Variants in IQSEC1 observed in about 807,000 individuals in gnomAD.
IQSEC1 encodes IQ motif and Sec7 domain ArfGEF 1.
A neutral mutation model predicts 91.0 loss-of-function variants in IQSEC1; 31 were observed. The ratio of observed to expected loss-of-function variants is 0.34; its 90% CI spans 0.26 to 0.46. IQSEC1 has a LOEUF of 0.46. Ranked by LOEUF, IQSEC1 falls within the 20% of genes least tolerant of loss-of-function variation. IQSEC1 has a pLI of 1.00. For missense variants in IQSEC1, 1,388 were observed against 1,575.6 expected (o/e 0.88, Z 2.02); for synonymous variants, 699 against 662.6 (o/e 1.05, Z -0.84).
At chr3:13,278,902 G>A (rs769460229) in intron 1 of IQSEC1, among the ~76,000 whole-genome samples, 5 of 152,150 alleles carry the variant, frequency 3.3e-5, no homozygotes, top group Non-Finnish European at 7.3e-5. Flanking sequence ...GCTCCACCCC[G>A]TAGCCAGATG....
At chr3:13,056,918 T>C (rs890756882) in intron 1 of IQSEC1, among the ~76,000 whole-genome samples, 1 of 152,140 alleles carries the variant, frequency 6.6e-6, no homozygotes, top group Non-Finnish European at 1.5e-5. Flanking sequence ...ATGTTCCATA[T>C]CCACCAGGCT....
At chr3:13,073,633 A>T (rs1319183232), upstream of IQSEC1, among the ~76,000 whole-genome samples, 1 of 152,220 alleles carries the variant, frequency 6.6e-6, no homozygotes, top group African/African-American at 2.4e-5. Context: ...CGCGCTGGAA[A>T]CCTGGAAGTC....
intron 1 of IQSEC1, among the ~76,000 whole-genome samples, chr3:13,014,404 T>C (rs1019117793): frequency 1.3e-5 from 2 of 152,208 alleles, no homozygotes; most frequent in African/African-American, 4.8e-5. Flanking sequence ...GTCACATGGC[T>C]GGGGCACACT....
intron 1 of IQSEC1, among the ~76,000 whole-genome samples, chr3:12,971,930 G>C (rs1700919358): frequency 6.6e-6 from 1 of 152,010 alleles, no homozygotes; most frequent in African/African-American, 2.4e-5. Flanking sequence ...GCTGAGGCAG[G>C]AGAATCACTT....
chr3:12,937,638 G>A (rs1050696764), intron 2 of IQSEC1, among the ~76,000 whole-genome samples: 11 of 152,240 alleles, frequency 7.2e-5, no homozygotes, highest in Non-Finnish European at 1.3e-4. Flanking sequence ...ATGGGGTAGT[G>A]CTGGGACCTG....
intron 1 of IQSEC1, among the ~76,000 whole-genome samples, chr3:12,981,429 C>T (rs986328438): frequency 6.6e-6 from 1 of 152,098 alleles, no homozygotes; most frequent in African/African-American, 2.4e-5. Flanking sequence ...GAATCGGACA[C>T]AAGAAACTAA....
chr3:13,278,255 C>G (rs112791557), intron 1 of IQSEC1, among the ~76,000 whole-genome samples: 72 of 152,196 alleles, frequency 4.7e-4, no homozygotes, highest in East Asian at 1.4e-3. Flanking sequence ...GCTTCCCCCC[C>G]CCACCCCCAG....
intron 2 of IQSEC1, among the ~76,000 whole-genome samples, chr3:13,121,715 G>C (rs1439412253): frequency 6.6e-6 from 1 of 152,240 alleles, no homozygotes; most frequent in African/African-American, 2.4e-5. Flanking sequence ...AAAGAGAGCA[G>C]AGAGAATGGG....
chr3:13,209,828 G>C (rs775964644), intron 1 of IQSEC1, among the ~76,000 whole-genome samples: 16 of 152,188 alleles, frequency 1.1e-4, no homozygotes, highest in Non-Finnish European at 2.2e-4. Flanking sequence ...GAATTCTTTT[G>C]CACTTTCCAA....
chr3:13,252,730 T>TTTTTTTTTTTTTTGTTTTTTTTTTTG (rs60219953), intron 1 of IQSEC1, among the ~76,000 whole-genome samples: 1 of 150,844 alleles, frequency 6.6e-6, no homozygotes, highest in African/African-American at 2.5e-5. Flanking sequence ...TTTTTTTTGT[T>TTTTTTTTTTTTTTGTTTTTTTTTTTG]TTTGTTTGTT....
intron 1 of IQSEC1, among the ~76,000 whole-genome samples, chr3:13,227,375 CAAAAAAAAA>C (rs753199634): frequency 5.7e-5 from 4 of 70,070 alleles, no homozygotes; most frequent in African/African-American, 2.6e-4. Context: ...GACTCTGTCT[CAAAAAAAAA>C]AAAAAAAAAA....
In IQSEC1 at chr3:12,941,861, C is replaced by T. The variant is rs766330520; in HGVS notation, c.28G>A (p.Glu10Lys). ...GTCTCACTGCTGGGGGCCTCGCCCT[C>T]GACGCTGCAGAGGAGAGAGAGGTGA... The part of the protein sequence containing the change: MACRRRYFV[E>K]GEAPSSETGT... Residue 10 changes from glutamate to lysine, a missense_variant, in exon 2 of 14, where the codon GAG becomes AAG. By Grantham distance (56) the Glu-to-Lys change is moderately conservative. Transcript: ENST00000613206. 23 of 1,592,912 alleles carry T rather than the reference C, an allele frequency of 1.4e-5. No individual in the cohort carries two copies. Among genetic ancestry groups the T allele is most frequent in the African/African-American group, 8.0e-5 (6 of 74,628 alleles).
intron 1 of IQSEC1, among the ~76,000 whole-genome samples, chr3:12,958,629 G>A (rs529188831): frequency 5.9e-5 from 9 of 152,330 alleles, no homozygotes; most frequent in African/African-American, 2.2e-4. Context: ...AGAGGAAGAG[G>A]TCTGAAGGAA....
chr3:13,257,292 T>C (rs1051010990), intron 1 of IQSEC1, among the ~76,000 whole-genome samples: 3 of 152,126 alleles, frequency 2.0e-5, no homozygotes, highest in South Asian at 2.1e-4. Context: ...CCCCAGTGCA[T>C]GCATATGAGA....
intron 1 of IQSEC1, among the ~76,000 whole-genome samples, chr3:13,228,406 T>C (rs1452071394): frequency 6.6e-6 from 1 of 152,126 alleles, no homozygotes; most frequent in Non-Finnish European, 1.5e-5. Context: ...AGCCACTCTT[T>C]CCCAGGTTAG....
At chr3:13,181,926 T>G (rs1233831855) in intron 1 of IQSEC1, among the ~76,000 whole-genome samples, 1 of 152,268 alleles carries the variant, frequency 6.6e-6, no homozygotes, top group Non-Finnish European at 1.5e-5. Context: ...GAGCAGTGAC[T>G]GCTCCTGTCT....
chr3:13,095,838 C>A (rs576540855), intron 2 of IQSEC1, among the ~76,000 whole-genome samples: 2 of 152,214 alleles, frequency 1.3e-5, no homozygotes, highest in Non-Finnish European at 2.9e-5. Context: ...GCTGAGCCAG[C>A]TGCAGAGGAG....
chr3:13,073,256 A>T lies in IQSEC1; in HGVS notation c.-242T>A. The T allele has an allele frequency of 3.5e-6, 2 of 568,906 alleles. No individual in the cohort carries two copies. Among genetic ancestry groups the T allele is most frequent in the Non-Finnish European group, 6.2e-6 (2 of 320,696 alleles). 35.2% of individuals were successfully genotyped at this position (568,906 alleles called of 1,614,324 possible). A position where few individuals can be genotyped will look rare whatever the true frequency, so the allele number is the denominator to read the frequency against. On this transcript the variant is annotated 5_prime_UTR_variant, in exon 1 of 14. Transcript: ENST00000613206. ...AGCGCGCGCTCACACCGTGCCCAGG[A>T]GCGAGCGAGGACGTCGAGTAACCGT...
chr3:13,252,390 C>T (rs1373092372), intron 1 of IQSEC1, among the ~76,000 whole-genome samples: 1 of 152,226 alleles, frequency 6.6e-6, no homozygotes, highest in African/African-American at 2.4e-5. Flanking sequence ...GTTTTTAAGG[C>T]TCAACCATAT....
Sources: gnomAD v4.1 joint callset for allele counts (sites outside exome capture counted in the v4.1 genomes callset) on GRCh38, gnomAD v4.1.1 for gene constraint, MANE v1.5 for transcripts, NCBI Gene and HGNC (gene_info 2026-07-23, HGNC 2026-07-21) for gene names.